AKAP13: variants seen among roughly 807,000 people sequenced by gnomAD.
The protein encoded by AKAP13 is A-kinase anchoring protein 13, also known as A-kinase anchor protein 13.
AKAP13 carries 80 observed loss-of-function variants against 264.5 expected under a neutral mutation model. That is an observed-to-expected ratio of 0.30 (90% CI 0.25 to 0.36). AKAP13 has a LOEUF of 0.36. AKAP13 is among the 10% of genes least tolerant of loss of function. The probability of loss-of-function intolerance (pLI) is 1.00; values close to 1 mark genes in which losing one functional copy is unlikely to be tolerated. For synonymous variants in AKAP13, 1,380 were observed against 1,250.2 expected (o/e 1.10, Z -2.19); for missense variants, 3,712 against 3,435.2 (o/e 1.08, Z -2.01).
chr15:85,625,772 C>G (rs1165553086), intron 8 of AKAP13, among the ~76,000 whole-genome samples: 1 of 152,320 alleles, frequency 6.6e-6, no homozygotes, highest in South Asian at 2.1e-4. Context: ...GTAGGAAGCA[C>G]TCTGACAGTG....
At chr15:85,665,424 C>T (rs1426463620) in intron 13 of AKAP13, among the ~76,000 whole-genome samples, 4 of 152,194 alleles carry the variant, frequency 2.6e-5, no homozygotes, top group Non-Finnish European at 5.9e-5. Context: ...TCCCAAGTTT[C>T]TCCTTTGTAG....
At chr15:85,662,448 C>T (rs1273016239) in intron 12 of AKAP13, 2 of 1,614,026 alleles carry the variant, frequency 1.2e-6, no homozygotes, top group East Asian at 2.2e-5. Context: ...ACTTTAATTA[C>T]AGAAGGTATG....
At chr15:85,505,381 A>G (rs1045454545) in intron 2 of AKAP13, among the ~76,000 whole-genome samples, 3 of 152,344 alleles carry the variant, frequency 2.0e-5, no homozygotes, top group African/African-American at 7.2e-5. Context: ...AATTTGGGCT[A>G]TGACTGGTAG....
At chr15:85,684,985 G>T in intron 16 of AKAP13, 112 bp downstream of exon 16, 1 of 1,300,870 alleles carries the variant, frequency 7.7e-7, no homozygotes. Context: ...ATAAATTCAG[G>T]ATTACTCTCC....
intron 10 of AKAP13, among the ~76,000 whole-genome samples, chr15:85,652,422 A>G (rs1239681349): frequency 6.6e-6 from 1 of 152,210 alleles, no homozygotes; most frequent in East Asian, 1.9e-4. Context: ...CTATATGGTA[A>G]ATTAATAAAT....
chr15:85,557,521 T>A (rs1311602939), intron 5 of AKAP13, among the ~76,000 whole-genome samples: 1 of 152,210 alleles, frequency 6.6e-6, no homozygotes, highest in African/African-American at 2.4e-5. Context: ...TCTCATTCTG[T>A]TGCCCAGGTT....
intron 17 of AKAP13, among the ~76,000 whole-genome samples, chr15:85,694,575 AC>A (rs2151642733): frequency 6.6e-6 from 1 of 152,386 alleles, no homozygotes; most frequent in East Asian, 1.9e-4. Context: ...CATGGGCTAT[AC>A]AAAAATAGGC....
At chr15:85,523,867 T>G (rs188263387) in intron 3 of AKAP13, among the ~76,000 whole-genome samples, 1 of 150,358 alleles carries the variant, frequency 6.7e-6, no homozygotes, top group African/African-American at 2.4e-5. Context: ...TTGAGTTGCA[T>G]TTTTAGCTTG....
rs774109791 is a variant in AKAP13, at chr15:85,579,744, A to G, written c.1676A>G (p.Glu559Gly). The G allele has an allele frequency of 1.6e-5, 26 of 1,614,234 alleles. No homozygotes were observed. The highest frequency in any genetic ancestry group is 1.6e-4 in the Middle Eastern group (1 of 6,062). ...AESSLAFSNE[E>G]TSTEKTAETE... Reference sequence around the variant, plus strand: ...TCTTCACTTGCATTTAGTAATGAAGAAACCTCCACTGAAAAAACAGCAGAA... The same window carrying G: ...TCTTCACTTGCATTTAGTAATGAAGGAACCTCCACTGAAAAAACAGCAGAA... Residue 559 changes from glutamate (E) to glycine (G), a missense_variant, in exon 7 of 37, where the codon GAA becomes GGA. Glu to Gly is a moderately conservative substitution (Grantham distance 98). Around this residue, in one of 3 missense-constraint regions of AKAP13, gnomAD observed 2,759 missense variants for 2,411.7 expected, o/e 1.14. Coordinates refer to ENST00000394518, the MANE Select transcript of AKAP13 (RefSeq NM_007200.5).
chr15:85,521,801 C>A (rs938685767), intron 3 of AKAP13, among the ~76,000 whole-genome samples: 1 of 152,170 alleles, frequency 6.6e-6, no homozygotes, highest in African/African-American at 2.4e-5. Flanking sequence ...GGCCACCTAC[C>A]AAATTCTGTA....
chr15:85,712,376 T>C (rs2086677152), intron 19 of AKAP13, among the ~76,000 whole-genome samples: 1 of 152,220 alleles, frequency 6.6e-6, no homozygotes, highest in African/African-American at 2.4e-5. Flanking sequence ...TCTGTGATCT[T>C]ACCCATTCCA....
At chr15:85,695,376 C>A (rs1390776646) in intron 17 of AKAP13, among the ~76,000 whole-genome samples, 4 of 152,082 alleles carry the variant, frequency 2.6e-5, no homozygotes, top group African/African-American at 9.7e-5. Flanking sequence ...TGCACTCCAG[C>A]CTGGGCAACA....
In AKAP13 at chr15:85,533,654, G is replaced by A. The variant is rs2077307957; in HGVS notation, c.252G>A (p.Val84=). 1 of 1,614,186 alleles carries A rather than the reference G, an allele frequency of 6.2e-7. No homozygotes were observed. The highest frequency in any genetic ancestry group is 1.1e-5 in the South Asian group (1 of 91,080). Residue 84 remains valine, a synonymous_variant, in exon 4 of 37, where the codon GTG becomes GTA. Transcript: ENST00000394518. Reference sequence around the variant, plus strand: ...AAGAGGGCCTTCCCGTGTTTGTGGTGGCTGAAGAAGACTTTCATTTCGTCC... The same window carrying A: ...AAGAGGGCCTTCCCGTGTTTGTGGTAGCTGAAGAAGACTTTCATTTCGTCC... ...ASKEGLPVFV[V]AEEDFHFVQD...
At chr15:85,596,038 C>T (rs1041155363) in intron 8 of AKAP13, among the ~76,000 whole-genome samples, 19 of 152,196 alleles carry the variant, frequency 1.2e-4, no homozygotes, top group Admixed American at 2.0e-4. Context: ...TCTGAGGACA[C>T]CCAAAACCCT....
At chr15:85,597,534 T>C (rs1380001882) in intron 8 of AKAP13, among the ~76,000 whole-genome samples, 3 of 152,228 alleles carry the variant, frequency 2.0e-5, no homozygotes, top group South Asian at 4.1e-4. Context: ...AGAAAAATTA[T>C]GGGAAGGATA....
intron 14 of AKAP13, among the ~76,000 whole-genome samples, chr15:85,679,377 A>G (rs2084455164): frequency 6.6e-6 from 1 of 152,216 alleles, no homozygotes; most frequent in African/African-American, 2.4e-5. Context: ...TGAATCAAGT[A>G]TCTTCTCAAA....
chr15:85,619,663 T>G, intron 8 of AKAP13: 3 of 988,606 alleles, frequency 3.0e-6, no homozygotes, highest in Non-Finnish European at 3.6e-6. Flanking sequence ...TACTGGATTT[T>G]TATTGCCTTC....
chr15:85,627,094 A>G (rs763600852), intron 8 of AKAP13, among the ~76,000 whole-genome samples: 7 of 152,140 alleles, frequency 4.6e-5, no homozygotes, highest in Non-Finnish European at 1.0e-4. Flanking sequence ...TTTACTATGA[A>G]TGCCACCTTT....
chr15:85,674,978 G>A (rs1485727617), intron 14 of AKAP13, among the ~76,000 whole-genome samples: 2 of 151,902 alleles, frequency 1.3e-5, no homozygotes, highest in Admixed American at 6.6e-5. Flanking sequence ...TTGTAAGACT[G>A]GAAAACATGC....
Sources: gnomAD v4.1 joint callset for allele counts (sites outside exome capture counted in the v4.1 genomes callset) on GRCh38, gnomAD v4.1.1 for gene constraint, gnomAD v4.1.1 regional missense constraint, MANE v1.5 for transcripts, NCBI Gene and HGNC (gene_info 2026-07-23, HGNC 2026-07-21) for gene names.